Variants in ENAH observed in about 807,000 individuals in gnomAD.
ENAH encodes the protein ENAH actin regulator, also known as protein enabled homolog.
ENAH carries 23 observed loss-of-function variants against 78.7 expected under a neutral mutation model. The observed-to-expected ratio is 0.29, with a 90% CI of 0.21 to 0.41. ENAH has a LOEUF of 0.41. Ranked by LOEUF, ENAH falls within the 10% of genes least tolerant of loss-of-function variation. ENAH has a pLI of 1.00. For synonymous variants in ENAH, 226 were observed against 241.0 expected, an observed-to-expected ratio of 0.94 and a Z score of 0.58; for missense variants, 544 against 691.0, an observed-to-expected ratio of 0.79 and a Z score of 2.39.
At position 225,491,488 on chromosome 1, in the gene ENAH, ATAAAAG is replaced by A. The variant is rs1347347208; in HGVS notation, c.*6281_*6286del. 9 of 150,758 alleles carry A rather than the reference ATAAAAG, an allele frequency of 6.0e-5. No individual in the cohort carries two copies. The highest frequency in any genetic ancestry group is 2.1e-4 in the South Asian group (1 of 4,764). The allele number at this position is 150,758 out of a possible 1,614,324, so 9.3% of individuals were successfully genotyped here. ...ATGCCTTTAATCTTTAAAAAAAAAAATAAAAGAAAAAGAAAAAAAGAAAAGAGGTTT... is the reference window on the plus strand; with the variant it reads ...ATGCCTTTAATCTTTAAAAAAAAAAAAAAAAGAAAAAAAGAAAAGAGGTTT... On this transcript the variant is annotated 3_prime_UTR_variant, in exon 14 of 14. Coordinates refer to ENST00000366843, the MANE Select transcript of ENAH (RefSeq NM_018212.6).
At chr1:225,499,574 A>C (rs1184969751) in intron 12 of ENAH, among the ~76,000 whole-genome samples, 3 of 152,124 alleles carry the variant, frequency 2.0e-5, no homozygotes, top group Non-Finnish European at 4.4e-5. Context: ...CAGGAGGCTG[A>C]GGCAGGAGAA....
chr1:225,567,731 T>G (rs1440024894), intron 1 of ENAH, among the ~76,000 whole-genome samples: 1 of 152,238 alleles, frequency 6.6e-6, no homozygotes, highest in African/African-American at 2.4e-5. Context: ...ACAACTATTA[T>G]GTTGGTTCAA....
At position 225,501,033 on chromosome 1, in the gene ENAH, C is replaced by T; in HGVS notation, c.1576G>A (p.Gly526Arg). 1.2e-6 allele frequency: 2 copies of T among 1,614,130 alleles called. No homozygotes were observed. The highest frequency in any genetic ancestry group is 1.7e-6 in the Non-Finnish European group (2 of 1,180,018). The change falls in exon 12 of 14, where the codon GGA becomes AGA. Residue 526 changes from glycine (G) to arginine (R), a missense_variant. Gly to Arg is a moderately radical substitution (Grantham distance 125). Coordinates refer to ENST00000366843, the MANE Select transcript of ENAH (RefSeq NM_018212.6). ...TAGTCAAGTCCTTCCGTCTGGACTC[C>T]ATTGGCACTGGGCTGTGATAAGGGT... ...STPLSQPSAN[G>R]VQTEGLDYDR...
chr1:225,564,959 T>C (rs1167836723), intron 2 of ENAH, among the ~76,000 whole-genome samples: 1 of 152,038 alleles, frequency 6.6e-6, no homozygotes, highest in Non-Finnish European at 1.5e-5. Context: ...CAGTGTTTTC[T>C]TATTTTCTAA....
At chr1:225,519,148 A>G (rs2096445425) in intron 5 of ENAH, 50 bp downstream of exon 5, 3 of 1,589,358 alleles carry the variant, frequency 1.9e-6, no homozygotes, top group Admixed American at 1.7e-5. Context: ...CACAAGAGAC[A>G]TCATCCAAGC....
intron 3 of ENAH, among the ~76,000 whole-genome samples, chr1:225,553,243 A>G (rs1305852526): frequency 6.6e-6 from 1 of 152,212 alleles, no homozygotes; most frequent in Non-Finnish European, 1.5e-5. Context: ...CAAAAAATAA[A>G]TAAATAAATT....
At chr1:225,649,068 CAT>C (rs1662503410) in intron 1 of ENAH, among the ~76,000 whole-genome samples, 1 of 152,050 alleles carries the variant, frequency 6.6e-6, no homozygotes, top group African/African-American at 2.4e-5. Flanking sequence ...GGAGGAGTAA[CAT>C]AAATTTAAGG....
chr1:225,640,763 A>G (rs539583823), intron 1 of ENAH, among the ~76,000 whole-genome samples: 6 of 152,160 alleles, frequency 3.9e-5, no homozygotes, highest in Non-Finnish European at 7.3e-5. Context: ...GTACTCAATA[A>G]CAGCGATTAC....
chr1:225,615,831 C>G (rs550351736), intron 1 of ENAH, among the ~76,000 whole-genome samples: 1 of 152,210 alleles, frequency 6.6e-6, no homozygotes, highest in East Asian at 1.9e-4. Context: ...GGGAGGTGTA[C>G]CCAACAGCTC....
intron 1 of ENAH, among the ~76,000 whole-genome samples, chr1:225,595,452 T>C (rs2096897976): frequency 6.6e-6 from 1 of 152,166 alleles, no homozygotes; most frequent in African/African-American, 2.4e-5. Flanking sequence ...GAGAATACTC[T>C]CAGCTCTCCA....
Position 225,584,547 on chromosome 1 carries a change from G to T in ENAH, c.6-17133C>A, listed in dbSNP as rs375466937. On this transcript the variant is annotated intron_variant, in intron 1 of 13. Transcript: ENST00000366843. ...AATACAAATATTAAAATGGTAGACT[G>T]AAGTCCAACCTCTCCATAATTACAT... Among the ~76,000 whole-genome samples, 59 of 152,256 alleles carry T rather than the reference G, an allele frequency of 3.9e-4. 2 individuals carry two copies. In the South Asian group the frequency reaches 0.012, roughly 31 times the overall value.
intron 1 of ENAH, among the ~76,000 whole-genome samples, chr1:225,597,843 A>T (rs1029991925): frequency 3.3e-5 from 5 of 152,162 alleles, no homozygotes; most frequent in Non-Finnish European, 5.9e-5. Context: ...ATCATATTCT[A>T]CTGAGAGCTA....
Position 225,651,552 on chromosome 1 carries a change from C to T in ENAH, c.5+1134G>A, listed in dbSNP as rs546387127. Among the ~76,000 whole-genome samples, 34 of 152,238 alleles carry T rather than the reference C, an allele frequency of 2.2e-4. 1 individual carries two copies. Among genetic ancestry groups the T allele is most frequent in the African/African-American group, 8.2e-4 (34 of 41,536 alleles). On this transcript the variant is annotated intron_variant, in intron 1 of 13. Transcript: ENST00000366843. ...TATAAAGGTCTTAGCAACGGTTGGCCATTAATCTTTAACACAAAGGAGATT... is the reference window on the plus strand; with the variant it reads ...TATAAAGGTCTTAGCAACGGTTGGCTATTAATCTTTAACACAAAGGAGATT...
At position 225,542,005 on chromosome 1, in the gene ENAH, T is replaced by G. The variant is rs568052303; in HGVS notation, c.350-11367A>C. On this transcript the variant is annotated intron_variant, in intron 3 of 13. Transcript: ENST00000366843. ...AAGTGACCCTCCCACCTCAGTCTCT[T>G]GAGTATCTGGGACTACAGGTGCATA... Among the ~76,000 whole-genome samples, 110 of 152,248 alleles carry G rather than the reference T, an allele frequency of 7.2e-4. 1 individual carries two copies. Among genetic ancestry groups the G allele is most frequent in the African/African-American group, 2.5e-3 (103 of 41,550 alleles).
chr1:225,543,700 T>G (rs2096600050), intron 3 of ENAH, among the ~76,000 whole-genome samples: 1 of 152,250 alleles, frequency 6.6e-6, no homozygotes, highest in Non-Finnish European at 1.5e-5. Context: ...ACATAGTACC[T>G]TAACAGGAAT....
At chr1:225,523,518 G>A (rs1336669215) in intron 4 of ENAH, among the ~76,000 whole-genome samples, 1 of 152,074 alleles carries the variant, frequency 6.6e-6, no homozygotes, top group Non-Finnish European at 1.5e-5. Flanking sequence ...GATGATTCAA[G>A]CAGGCAATTC....
chr1:225,552,589 G>GA (rs1553435857), intron 3 of ENAH, among the ~76,000 whole-genome samples: 1 of 151,818 alleles, frequency 6.6e-6, no homozygotes, highest in Non-Finnish European at 1.5e-5. Flanking sequence ...ATTCTATATG[G>GA]TTTTTTTTCC....
At chr1:225,638,146 C>G (rs925081578) in intron 1 of ENAH, among the ~76,000 whole-genome samples, 1 of 152,144 alleles carries the variant, frequency 6.6e-6, no homozygotes, top group African/African-American at 2.4e-5. Flanking sequence ...CAAGGTCTCA[C>G]AGCCAGTAAA....
intron 1 of ENAH, among the ~76,000 whole-genome samples, chr1:225,604,491 T>G (rs908595133): frequency 2.6e-5 from 4 of 151,856 alleles, no homozygotes; most frequent in Admixed American, 6.6e-5. Flanking sequence ...ATTTTAAAAT[T>G]GTACAAATGT....
Sources: gnomAD v4.1 joint callset for allele counts (sites outside exome capture counted in the v4.1 genomes callset) on GRCh38, gnomAD v4.1.1 for gene constraint, MANE v1.5 for transcripts, NCBI Gene and HGNC (gene_info 2026-07-23, HGNC 2026-07-21) for gene names.